The following PADI3 variants were observed in gnomAD, a reference collection of about 807,000 sequenced individuals.
PADI3 encodes the protein peptidyl arginine deiminase 3, also known as protein-arginine deiminase type-3.
Under a neutral mutation model 71.5 loss-of-function variants are expected in PADI3, and 53 were observed. The observed-to-expected ratio is 0.74, with a 90% confidence interval of 0.59 to 0.93. The LOEUF (loss-of-function observed/expected upper bound fraction) is 0.93. Ranked by LOEUF, PADI3 falls within the 40% of genes least tolerant of loss-of-function variation. PADI3 has a pLI of 0.00. For synonymous variants in PADI3, 361 were observed against 347.5 expected, an observed-to-expected ratio of 1.04 and a Z score of -0.43; for missense variants, 821 against 868.0, an observed-to-expected ratio of 0.95 and a Z score of 0.68.
In PADI3 at chr1:17,282,927, G is replaced by A. The variant is rs148930933; in HGVS notation, c.1843G>A (p.Glu615Lys). The stretch of plus-strand genomic sequence containing the variant: ...CATCAATGGCTGCTGCTGCCTGGAG[G>A]AGAAGGTGCGGTCCCTGCTGGAGCC... ...PIINGCCCLE[E>K]KVRSLLEPLG... The change falls in exon 16 of 16, where the codon GAG (glutamate) becomes AAG (lysine). Residue 615 changes from glutamate to lysine, a missense_variant. Physicochemically the swap from Glu to Lys is moderately conservative, Grantham distance 56. Transcript: ENST00000375460. 94 of 1,614,024 alleles carry A rather than the reference G, an allele frequency of 5.8e-5. No homozygotes were observed. The highest frequency in any genetic ancestry group is 1.8e-5 in the Non-Finnish European group (21 of 1,179,996).
In PADI3 at chr1:17,271,174, T is replaced by A; in HGVS notation, c.1043T>A (p.Ile348Asn). The change falls in exon 9 of 16, where the codon ATC becomes AAC. Residue 348 changes from isoleucine (I) to asparagine (N), a missense_variant. Ile to Asn is a moderately radical substitution (Grantham distance 149). Transcript: ENST00000375460. ...PQAENRNDRW[I>N]QDEMELGYVQ... ...GCCGAGAACCGCAACGACCGCTGGA[T>A]CCAGGTAACCACAGCCACTGGGCAG... 6.2e-7 allele frequency: 1 copy of A among 1,612,240 alleles called. No homozygotes were observed. Among genetic ancestry groups the A allele is most frequent in the Non-Finnish European group, 8.5e-7 (1 of 1,179,738 alleles).
chr1:17,249,917 G>T (rs557998107), intron 1 of PADI3, among the ~76,000 whole-genome samples: 67 of 152,310 alleles, frequency 4.4e-4, no homozygotes, highest in African/African-American at 1.6e-3. Context: ...GGTTTTAGCT[G>T]CTCTGATACT....
chr1:17,280,494 G>A, intron 14 of PADI3, 65 bp downstream of exon 14: 2 of 1,504,808 alleles, frequency 1.3e-6, no homozygotes, highest in Non-Finnish European at 9.3e-7. Flanking sequence ...AGGCAAGGAT[G>A]GGATACAGAC....
intron 1 of PADI3, 127 bp from the exon 2 acceptor site, chr1:17,259,451 T>G: frequency 1.1e-5 from 8 of 750,320 alleles, no homozygotes; most frequent in African/African-American, 1.8e-5. Flanking sequence ...GAGCTTACTG[T>G]GAGGATCTGA....
intron 1 of PADI3, among the ~76,000 whole-genome samples, chr1:17,258,484 C>T (rs577063823): frequency 1.3e-5 from 2 of 152,346 alleles, no homozygotes; most frequent in East Asian, 3.9e-4. Flanking sequence ...AATCTCAGGG[C>T]CAGATAACAT....
rs1373627863 is a variant in PADI3, at chr1:17,262,127, C to G, written c.274-6C>G. ...CTGGTATTACTCTGCGCCCAACTCT[C>G]CACAGGTTCAGATTTCCTACCACTC... On this transcript the variant is annotated splice_polypyrimidine_tract_variant and splice_region_variant and intron_variant, in intron 2 of 15. Coordinates refer to ENST00000375460, the MANE Select transcript of PADI3 (RefSeq NM_016233.2). 1 of 1,613,422 alleles carries G rather than the reference C, an allele frequency of 6.2e-7. No individual in the cohort carries two copies. The highest frequency in any genetic ancestry group is 8.5e-7 in the Non-Finnish European group (1 of 1,179,656).
intron 1 of PADI3, among the ~76,000 whole-genome samples, chr1:17,249,718 A>C (rs1350036237): frequency 2.0e-5 from 3 of 152,224 alleles, no homozygotes; most frequent in African/African-American, 7.2e-5. Context: ...TCTTGAGTTA[A>C]GTTTTGAACT....
At chr1:17,265,592 T>C in intron 3 of PADI3, 67 bp from the exon 4 acceptor site, 1 of 1,387,734 alleles carries the variant, frequency 7.2e-7, no homozygotes, top group Non-Finnish European at 1.0e-6. Context: ...AGACAAGCCC[T>C]GAGATCAAGG....
At chr1:17,256,591 C>T (rs914402233) in intron 1 of PADI3, among the ~76,000 whole-genome samples, 3 of 152,206 alleles carry the variant, frequency 2.0e-5, no homozygotes, top group Admixed American at 6.5e-5. Flanking sequence ...GAGGCAGGGG[C>T]GCTGGGCTGA....
At chr1:17,260,961 C>T (rs1313063155) in intron 2 of PADI3, among the ~76,000 whole-genome samples, 2 of 152,172 alleles carry the variant, frequency 1.3e-5, no homozygotes, top group Non-Finnish European at 2.9e-5. Context: ...CTCTTTCCCT[C>T]ACCCGCCATA....
rs1379987024 is a variant in PADI3, at chr1:17,280,403, C to G, written c.1609C>G (p.Leu537Val). The G allele has an allele frequency of 6.2e-7, 1 of 1,613,842 alleles. No individual in the cohort carries two copies. Among genetic ancestry groups the G allele is most frequent in the African/African-American group, 1.3e-5 (1 of 74,928 alleles). Reference protein sequence around the residue: ...SINQVLSNKDLINYNKFVQSC... With the variant: ...SINQVLSNKDVINYNKFVQSC... ...CAACCAGGTGCTCTCCAATAAAGAC[C>G]TCATCAACTACAATAAGTTTGTGCA... The change falls in exon 14 of 16, where the codon CTC becomes GTC. Residue 537 changes from leucine (L) to valine (V), a missense_variant. Leu to Val is a conservative substitution (Grantham distance 32). Coordinates refer to ENST00000375460, the MANE Select transcript of PADI3 (RefSeq NM_016233.2).
chr1:17,262,265 A>T, intron 3 of PADI3, 60 bp downstream of exon 3: 6 of 1,254,558 alleles, frequency 4.8e-6, no homozygotes, highest in Non-Finnish European at 6.7e-6. Flanking sequence ...TTCAAGCAGT[A>T]CAAAAGAGTA....
At chr1:17,281,222 G>A (rs541014002) in intron 15 of PADI3, among the ~76,000 whole-genome samples, 2 of 152,252 alleles carry the variant, frequency 1.3e-5, no homozygotes, top group Admixed American at 6.5e-5. Flanking sequence ...TGCTCTCAAG[G>A]GACTTTCAGT....
chr1:17,273,276 CG>C lies in PADI3; in HGVS notation c.1048-63del, dbSNP rs1569909498. 16 of 1,309,376 alleles carry C rather than the reference CG, an allele frequency of 1.2e-5. No homozygotes were observed. The East Asian group carries it at 3.8e-4, about 31-fold the overall frequency. The allele number at this position is 1,309,376 out of a possible 1,614,324, so 81.1% of individuals were successfully genotyped here. ...CAGTCTGCCCCACAGGGCTCAGAGC[CG>C]AGCCAGCAGGGGCAGCTGTTGACTG... On this transcript the variant is annotated intron_variant, in intron 9 of 15. Coordinates refer to ENST00000375460, the MANE Select transcript of PADI3 (RefSeq NM_016233.2).
At position 17,280,750 on chromosome 1, in the gene PADI3, T is replaced by A. The variant is rs1392086311; in HGVS notation, c.1715T>A (p.Leu572His). The change falls in exon 15 of 16, where the codon CTC becomes CAC. Residue 572 changes from leucine (L) to histidine (H), a missense_variant. Transcript: ENST00000375460. ...AECDIIDIPQ[L>H]FKTERKKATA... ...TGTGACATCATTGACATCCCACAGC[T>A]CTTCAAGACCGAGAGGAAAAAAGCA... 4 of 1,613,918 alleles carry A rather than the reference T, an allele frequency of 2.5e-6. No homozygotes were observed. Among genetic ancestry groups the A allele is most frequent in the Non-Finnish European group, 3.4e-6 (4 of 1,180,010 alleles).
At chr1:17,261,190 C>T (rs901396007) in intron 2 of PADI3, among the ~76,000 whole-genome samples, 2 of 152,116 alleles carry the variant, frequency 1.3e-5, no homozygotes, top group Non-Finnish European at 2.9e-5. Context: ...AGGGAATACC[C>T]CAAGGGGAGG....
At chr1:17,275,905 T>C (rs1161186456) in intron 11 of PADI3, among the ~76,000 whole-genome samples, 2 of 152,204 alleles carry the variant, frequency 1.3e-5, no homozygotes. Flanking sequence ...ATCTGTCTCT[T>C]GGAGAATAAG....
intron 3 of PADI3, among the ~76,000 whole-genome samples, chr1:17,263,329 A>T (rs1343478102): frequency 6.6e-6 from 1 of 152,238 alleles, no homozygotes; most frequent in Non-Finnish European, 1.5e-5. Context: ...GGGATTCACA[A>T]TTCCAAATAT....
At chr1:17,266,564 C>T (rs1229142473) in intron 4 of PADI3, among the ~76,000 whole-genome samples, 155 bp from the exon 5 acceptor site, 1 of 152,172 alleles carries the variant, frequency 6.6e-6, no homozygotes, top group Non-Finnish European at 1.5e-5. Flanking sequence ...CAACAGAGAG[C>T]CATTGCCATT....
Sources: gnomAD v4.1 joint callset for allele counts (sites outside exome capture counted in the v4.1 genomes callset) on GRCh38, gnomAD v4.1.1 for gene constraint, MANE v1.5 for transcripts, NCBI Gene and HGNC (gene_info 2026-07-23, HGNC 2026-07-21) for gene names.